Variants in NBEA observed in about 807,000 individuals in gnomAD.
The protein encoded by NBEA is lysosomal-trafficking regulator 2.
Under a neutral mutation model 343.4 loss-of-function variants are expected in NBEA, and 44 were observed. The observed-to-expected ratio is 0.13, with a 90% CI of 0.10 to 0.16. NBEA has a LOEUF of 0.16. Among genes scored for constraint, NBEA ranks in the 10% least tolerant of loss-of-function variants. The probability of loss-of-function intolerance (pLI) is 1.00; values close to 1 mark genes in which losing one functional copy is unlikely to be tolerated. For synonymous variants in NBEA, 1,175 were observed against 1,238.7 expected (o/e 0.95, Z 1.08); for missense variants, 2,555 against 3,631.3 (o/e 0.70, Z 7.62).
intron 35 of NBEA, among the ~76,000 whole-genome samples, chr13:35,294,869 C>A (rs2036018924): frequency 6.6e-6 from 1 of 151,830 alleles, no homozygotes; most frequent in African/African-American, 2.4e-5. Flanking sequence ...TCCTATTCAG[C>A]ATAAGCAGCG....
intron 1 of NBEA, among the ~76,000 whole-genome samples, chr13:35,030,140 T>G (rs2062154262): frequency 6.6e-6 from 1 of 151,738 alleles, no homozygotes; most frequent in Non-Finnish European, 1.5e-5. Context: ...TTGTTTTTTA[T>G]TTAGCTTTTT....
intron 38 of NBEA, among the ~76,000 whole-genome samples, chr13:35,376,435 C>G (rs1256616248): frequency 6.6e-6 from 1 of 152,170 alleles, no homozygotes; most frequent in African/African-American, 2.4e-5. Flanking sequence ...CTTAGAACTA[C>G]TGTCACTTAA....
intron 34 of NBEA, among the ~76,000 whole-genome samples, chr13:35,237,641 A>G (rs1211590256): frequency 6.6e-6 from 1 of 152,226 alleles, no homozygotes; most frequent in Non-Finnish European, 1.5e-5. Flanking sequence ...TCAATTTACC[A>G]TATAAATATG....
intron 38 of NBEA, among the ~76,000 whole-genome samples, chr13:35,357,543 C>T (rs1221218371): frequency 1.3e-5 from 2 of 151,930 alleles, no homozygotes; most frequent in Non-Finnish European, 2.9e-5. Context: ...AGTGAGAACA[C>T]GTGGGATTTG....
chr13:35,232,692 TG>T, intron 34 of NBEA, 73 bp downstream of exon 34: 1 of 1,135,972 alleles, frequency 8.8e-7, no homozygotes, highest in Non-Finnish European at 1.2e-6. Context: ...TTTGTGCTTC[TG>T]GAGGAATATA....
rs367938161 is a variant in NBEA, at chr13:35,290,324, A to G, written c.5777-65A>G. On this transcript the variant is annotated intron_variant, in intron 34 of 58. Transcript: ENST00000379939. ...TTTATAAATTAAAATTATATAATGA[A>G]TTAACTCAGAATGATAATTTCTGCC... The G allele has an allele frequency of 4.3e-4, 435 of 1,018,216 alleles. 1 individual carries two copies. The highest frequency in any genetic ancestry group is 3.2e-3 in the African/African-American group (204 of 63,168). The allele number at this position is 1,018,216 out of a possible 1,614,324, so 63.1% of individuals were successfully genotyped here.
chr13:35,253,345 G>A (rs2032203826), intron 34 of NBEA, among the ~76,000 whole-genome samples: 1 of 152,094 alleles, frequency 6.6e-6, no homozygotes, highest in African/African-American at 2.4e-5. Context: ...CTCTTTGTTG[G>A]CATTTTTTAG....
At chr13:35,398,366 T>G (rs2042842830) in intron 38 of NBEA, among the ~76,000 whole-genome samples, 1 of 152,190 alleles carries the variant, frequency 6.6e-6, no homozygotes, top group Middle Eastern at 3.2e-3. Flanking sequence ...CAAATGTTCT[T>G]AATGGCATTG....
rs749280927 is a variant in NBEA, at chr13:35,142,338, A to C, written c.2406A>C (p.Thr802=). ...TTGGAGAAAGGCTGATGTTGCATAC[A>C]AACACTGTGACTGTCACCACATACA... is the stretch of plus-strand genomic sequence containing the variant. ...TLLGERLMLH[T]NTVTVTTYNT... The change falls in exon 18 of 59, where the codon ACA becomes ACC. Residue 802 remains threonine (T), a synonymous_variant. Coordinates refer to ENST00000379939, the MANE Select transcript of NBEA (RefSeq NM_001385012.1). The C allele has an allele frequency of 2.5e-5, 40 of 1,613,182 alleles. No individual in the cohort carries two copies. In the Middle Eastern group the frequency reaches 9.9e-4, roughly 40 times the overall value.
intron 36 of NBEA, among the ~76,000 whole-genome samples, chr13:35,310,233 A>G (rs932883132): frequency 6.6e-6 from 1 of 152,198 alleles, no homozygotes; most frequent in Non-Finnish European, 1.5e-5. Context: ...CTAAAACTCA[A>G]AAACAGGCTC....
At chr13:35,033,863 A>G (rs1041404038) in intron 1 of NBEA, among the ~76,000 whole-genome samples, 2 of 151,766 alleles carry the variant, frequency 1.3e-5, no homozygotes, top group Non-Finnish European at 3.0e-5. Context: ...TGTATCCTGT[A>G]ACTTTACTGA....
intron 38 of NBEA, among the ~76,000 whole-genome samples, chr13:35,415,846 C>T (rs1267975499): frequency 1.3e-5 from 2 of 152,064 alleles, no homozygotes; most frequent in African/African-American, 4.8e-5. Context: ...TTTCACGATA[C>T]TGATTCTTCC....
chr13:35,104,251 G>C (rs1284403737), intron 11 of NBEA, among the ~76,000 whole-genome samples: 1 of 151,726 alleles, frequency 6.6e-6, no homozygotes, highest in Non-Finnish European at 1.5e-5. Context: ...AATATTCTCC[G>C]ATCATTCTAA....
chr13:35,267,273 A>C (rs1048127533), intron 34 of NBEA, among the ~76,000 whole-genome samples: 1 of 151,934 alleles, frequency 6.6e-6, no homozygotes, highest in African/African-American at 2.4e-5. Context: ...AAGTGTTCTT[A>C]CCACAAAAAT....
At chr13:35,064,128 A>G (rs1290436955) in intron 8 of NBEA, among the ~76,000 whole-genome samples, 2 of 152,082 alleles carry the variant, frequency 1.3e-5, no homozygotes, top group Non-Finnish European at 2.9e-5. Flanking sequence ...GGCGACATAC[A>G]GGTTGGAGAT....
chr13:35,468,553 C>T (rs1050642400), intron 40 of NBEA, among the ~76,000 whole-genome samples: 2 of 152,082 alleles, frequency 1.3e-5, no homozygotes, highest in Non-Finnish European at 2.9e-5. Context: ...GAGCCCAATC[C>T]AGAGCAAAGC....
At chr13:35,230,494 C>A (rs768129269) in intron 33 of NBEA, among the ~76,000 whole-genome samples, 10 of 152,142 alleles carry the variant, frequency 6.6e-5, no homozygotes, top group Non-Finnish European at 1.5e-4. Context: ...AATCATACTT[C>A]ATTTATAATT....
At chr13:35,627,613 A>G (rs1593407800) in intron 48 of NBEA, among the ~76,000 whole-genome samples, 1 of 152,154 alleles carries the variant, frequency 6.6e-6, no homozygotes, top group South Asian at 2.1e-4. Flanking sequence ...TAGTCATCTC[A>G]GAGGTAAGCT....
In NBEA at chr13:35,432,339, A is replaced by G. The variant is rs1302712686; in HGVS notation, c.6250A>G (p.Asn2084Asp). 1.9e-6 allele frequency: 3 copies of G among 1,609,950 alleles called. No individual in the cohort carries two copies. Among genetic ancestry groups the G allele is most frequent in the African/African-American group, 1.3e-5 (1 of 74,836 alleles). ...DLRRRRRFVR[N>D]AFGSTHAEAL... is the part of the protein sequence containing the mutation. ...TCGTCGAAGGAGACGATTTGTTCGCAATGCATTTGGCTCCACTCATGCTGA... is the reference window on the plus strand; with the variant it reads ...TCGTCGAAGGAGACGATTTGTTCGCGATGCATTTGGCTCCACTCATGCTGA... Residue 2084 changes from asparagine (N) to aspartate (D), a missense_variant, in exon 39 of 59, where the codon AAT (asparagine) becomes GAT (aspartate). By Grantham distance (23) the Asn-to-Asp change is conservative (BLOSUM62 1). This residue lies in a region of NBEA where 246 missense variants were observed against 313.7 expected (regional missense o/e 0.78). Transcript: ENST00000379939.
Sources: gnomAD v4.1 joint callset for allele counts (sites outside exome capture counted in the v4.1 genomes callset) on GRCh38, gnomAD v4.1.1 for gene constraint, gnomAD v4.1.1 regional missense constraint, MANE v1.5 for transcripts, NCBI Gene and HGNC (gene_info 2026-07-23, HGNC 2026-07-21) for gene names.